The following GSK3B variants were observed in gnomAD, a reference collection of about 807,000 sequenced individuals.
The protein encoded by GSK3B is glycogen synthase kinase-3 beta.
In GSK3B, 15 loss-of-function variants were observed where a neutral mutation model predicts 56.4. That is an observed-to-expected ratio of 0.27 (90% CI 0.18 to 0.41). The LOEUF is 0.41. Among genes scored for constraint, GSK3B ranks in the 10% least tolerant of loss-of-function variants. GSK3B has a pLI of 1.00. For synonymous variants in GSK3B, 181 were observed against 188.9 expected (o/e 0.96, Z 0.34); for missense variants, 300 against 513.4 (o/e 0.58, Z 4.02).
intron 7 of GSK3B, among the ~76,000 whole-genome samples, chr3:119,883,979 G>C (rs2056407396): frequency 6.6e-6 from 1 of 152,136 alleles, no homozygotes; most frequent in Non-Finnish European, 1.5e-5. Flanking sequence ...ACTTAGAAGA[G>C]AGCTTGAGGC....
intron 1 of GSK3B, among the ~76,000 whole-genome samples, chr3:120,046,067 GGGATGGGAGGAGGT>G (rs140717163): frequency 0.027 from 4,044 of 152,080 alleles, 183 homozygotes; most frequent in African/African-American, 0.091. Flanking sequence ...TGGTGGCCAG[GGGATGGGAGGAGGT>G]GGATGGGAGG....
In GSK3B at chr3:119,874,477, A is replaced by C. The variant is rs528719409; in HGVS notation, c.909+1936T>G. On this transcript the variant is annotated intron_variant, in intron 8 of 10. Transcript: ENST00000264235. ...GTACTACATCACCGATTTCAGACAG[A>C]GGCTGACCAAATGTAACTGAAACCT... 3.3e-4 allele frequency among the ~76,000 whole-genome samples: 50 copies of C among 152,146 alleles called. No homozygotes were observed. In the South Asian group the frequency reaches 6.8e-3, roughly 21 times the overall value.
chr3:119,867,864 C>A (rs2056202952), intron 8 of GSK3B, among the ~76,000 whole-genome samples: 1 of 152,036 alleles, frequency 6.6e-6, no homozygotes. Context: ...AGATTAAAAT[C>A]TGGCCCATCA....
intron 1 of GSK3B, among the ~76,000 whole-genome samples, chr3:120,023,629 T>C (rs1280363300): frequency 6.6e-6 from 1 of 152,084 alleles, no homozygotes; most frequent in African/African-American, 2.4e-5. Flanking sequence ...AGAAGAAAAA[T>C]ACCATTTCCC....
In GSK3B at chr3:119,862,103, A is replaced by T. The variant is rs546440771; in HGVS notation, c.1096+1316T>A. 6.0e-4 allele frequency among the ~76,000 whole-genome samples: 91 copies of T among 150,730 alleles called. No individual in the cohort carries two copies. In the South Asian group the frequency reaches 8.2e-3, roughly 14 times the overall value. On this transcript the variant is annotated intron_variant, in intron 9 of 10. Coordinates refer to ENST00000264235, the MANE Select transcript of GSK3B (RefSeq NM_001146156.2). ...ATAAAAGTCTTCTTTTTTTTTTTTT[A>T]AAAGAAACTTGGAACCAACCCAAAT...
chr3:120,076,970 A>C (rs1228757278), intron 1 of GSK3B, among the ~76,000 whole-genome samples: 1 of 152,084 alleles, frequency 6.6e-6, no homozygotes, highest in African/African-American at 2.4e-5. Context: ...ATACCACCTC[A>C]CCCCTGTTAG....
At chr3:119,940,074 C>T (rs971513488) in intron 3 of GSK3B, among the ~76,000 whole-genome samples, 1 of 150,782 alleles carries the variant, frequency 6.6e-6, no homozygotes, top group African/African-American at 2.5e-5. Flanking sequence ...CTTACATGGC[C>T]ACAATTTTCA....
intron 2 of GSK3B, among the ~76,000 whole-genome samples, chr3:119,964,802 G>A (rs1348324071): frequency 1.3e-5 from 2 of 152,252 alleles, no homozygotes; most frequent in East Asian, 3.9e-4. Flanking sequence ...GGGGCATAAT[G>A]AAACTTTTGG....
intron 7 of GSK3B, among the ~76,000 whole-genome samples, chr3:119,898,624 TA>T (rs1256804249): frequency 6.6e-6 from 1 of 152,110 alleles, no homozygotes; most frequent in African/African-American, 2.4e-5. Flanking sequence ...ATAGAGGCTA[TA>T]AATTGAGCTA....
chr3:120,029,772 G>A, intron 1 of GSK3B: 1 of 555,294 alleles, frequency 1.8e-6, no homozygotes, highest in South Asian at 1.4e-5. Context: ...TGTTACTTAT[G>A]GTCATTAACT....
chr3:119,827,426 T>C (rs1400133004), intron 10 of GSK3B, among the ~76,000 whole-genome samples: 3 of 151,500 alleles, frequency 2.0e-5, no homozygotes, highest in African/African-American at 4.9e-5. Flanking sequence ...TATCAACAGA[T>C]GAATGGATAA....
Position 119,962,246 on chromosome 3 carries a change from A to G in GSK3B, c.283-14895T>C, listed in dbSNP as rs1199938085. On this transcript the variant is annotated intron_variant, in intron 2 of 10. Coordinates refer to ENST00000264235, the MANE Select transcript of GSK3B (RefSeq NM_001146156.2). ...CAAAATTAGCCAAGCGTGGTGGTGC[A>G]TACCTGTAATCCCAGCTACTCAGGA... Among the ~76,000 whole-genome samples the G allele has an allele frequency of 5.9e-5, 9 of 152,154 alleles. No individual in the cohort carries two copies. In the South Asian group the frequency reaches 6.2e-4, roughly 11 times the overall value.
intron 3 of GSK3B, among the ~76,000 whole-genome samples, chr3:119,935,792 A>C (rs1230077243): frequency 6.6e-6 from 1 of 152,192 alleles, no homozygotes; most frequent in African/African-American, 2.4e-5. Flanking sequence ...ATGACAAGGA[A>C]AACAAAAACA....
intron 1 of GSK3B, among the ~76,000 whole-genome samples, chr3:120,081,866 G>A (rs975423246): frequency 6.6e-6 from 1 of 152,192 alleles, no homozygotes; most frequent in African/African-American, 2.4e-5. Flanking sequence ...AGTGCTGAAG[G>A]AGTTATATGA....
intron 2 of GSK3B, among the ~76,000 whole-genome samples, chr3:119,964,974 T>G (rs2057305449): frequency 6.6e-6 from 1 of 152,076 alleles, no homozygotes; most frequent in South Asian, 2.1e-4. Context: ...AAGCTCATTT[T>G]TAACACAGCA....
intron 1 of GSK3B, among the ~76,000 whole-genome samples, chr3:120,003,066 G>C (rs2057693872): frequency 6.6e-6 from 1 of 152,194 alleles, no homozygotes; most frequent in Non-Finnish European, 1.5e-5. Flanking sequence ...AGACCTCTCA[G>C]AGAAAGCTCA....
intron 1 of GSK3B, among the ~76,000 whole-genome samples, chr3:120,081,729 C>T (rs2058421254): frequency 6.6e-6 from 1 of 152,164 alleles, no homozygotes; most frequent in South Asian, 2.1e-4. Context: ...AAGGACTGTG[C>T]TCCACACTGC....
intron 7 of GSK3B, among the ~76,000 whole-genome samples, chr3:119,898,698 T>C (rs2056595720): frequency 6.6e-6 from 1 of 152,124 alleles, no homozygotes; most frequent in Non-Finnish European, 1.5e-5. Context: ...ATACAGTAGT[T>C]TCCCCTTAAC....
chr3:120,079,343 CACACACA>C lies in GSK3B; in HGVS notation c.88+13997_88+14003del, dbSNP rs1318639386. ...ACACACACACACACACACACACACACACACACATTTTTTTTTTTAATAAGTAGACTAC... is the reference window on the plus strand; with the variant it reads ...ACACACACACACACACACACACACACTTTTTTTTTTTAATAAGTAGACTAC... On this transcript the variant is annotated intron_variant, in intron 1 of 10. Transcript: ENST00000264235. 1.2e-3 allele frequency among the ~76,000 whole-genome samples: 155 copies of C among 125,710 alleles called. 2 individuals carry two copies. The highest frequency in any genetic ancestry group is 1.5e-3 in the Admixed American group (19 of 12,566). 82.5% of individuals were successfully genotyped at this position (125,710 alleles called of 152,430 possible).
Sources: gnomAD v4.1 joint callset for allele counts (sites outside exome capture counted in the v4.1 genomes callset) on GRCh38, gnomAD v4.1.1 for gene constraint, MANE v1.5 for transcripts, NCBI Gene and HGNC (gene_info 2026-07-23, HGNC 2026-07-21) for gene names.